Variants in RFTN1 observed in about 807,000 individuals in gnomAD.
RFTN1 encodes the protein raftlin.
In RFTN1, 26 loss-of-function variants were observed where a neutral mutation model predicts 46.5. The observed-to-expected ratio is 0.56, with a 90% CI of 0.41 to 0.78. The LOEUF (loss-of-function observed/expected upper bound fraction) is 0.78. Ranked by LOEUF, RFTN1 falls within the 30% of genes least tolerant of loss-of-function variation. The pLI is 0.00. For missense variants in RFTN1, 693 were observed against 718.7 expected (o/e 0.96, Z 0.41); for synonymous variants, 261 against 284.2 (o/e 0.92, Z 0.82).
At chr3:16,319,824 T>C (rs1032502941) in intron 9 of RFTN1, among the ~76,000 whole-genome samples, 14 of 152,340 alleles carry the variant, frequency 9.2e-5, no homozygotes, top group African/African-American at 3.1e-4. Flanking sequence ...CAGATTTCAG[T>C]TGAGCCTCTG....
intron 6 of RFTN1, among the ~76,000 whole-genome samples, chr3:16,363,972 G>A (rs573288070): frequency 6.8e-4 from 104 of 152,336 alleles, no homozygotes; most frequent in African/African-American, 1.9e-3. Context: ...CCCAGGTAAC[G>A]GTGCCATGTT....
At position 16,377,930 on chromosome 3, in the gene RFTN1, G is replaced by T; in HGVS notation, c.614C>A (p.Pro205Gln). ...GDHASLENEK[P>Q]GTGDVCSAPA... ...AGCACTGCACACATCCCCAGTCCCC[G>T]GTTTCTCATTCTCCAGTGACGCGTG... Residue 205 changes from proline (P) to glutamine (Q), a missense_variant, in exon 5 of 10, where the codon CCG (proline) becomes CAG (glutamine). Pro to Gln is a moderately conservative substitution (Grantham distance 76, BLOSUM62 -1). Coordinates refer to ENST00000334133, the MANE Select transcript of RFTN1 (RefSeq NM_015150.2). The T allele has an allele frequency of 6.2e-7, 1 of 1,614,162 alleles. No individual in the cohort carries two copies. The highest frequency in any genetic ancestry group is 8.5e-7 in the Non-Finnish European group (1 of 1,180,036).
intron 3 of RFTN1, among the ~76,000 whole-genome samples, chr3:16,414,651 G>C (rs914082853): frequency 6.6e-6 from 1 of 152,144 alleles, no homozygotes; most frequent in Middle Eastern, 3.4e-3. Flanking sequence ...ACAGCAGCAG[G>C]GTAAGGTGAA....
rs1253851765 is a variant in RFTN1 at position 16,449,772 on chromosome 3, C to A, written c.146-15735G>T. 1.3e-5 allele frequency among the ~76,000 whole-genome samples: 2 copies of A among 152,186 alleles called. No individual in the cohort carries two copies. Among genetic ancestry groups the A allele is most frequent in the African/African-American group, 4.8e-5 (2 of 41,440 alleles). On this transcript the variant is annotated intron_variant, in intron 2 of 9. Transcript: ENST00000334133. The surrounding 1 kb of genome is among the most constrained non-coding windows in gnomAD (Gnocchi z 5.1). Reference sequence around the variant, plus strand: ...TCAGAAAAATCAACGAGACAAAAGCCATGCTGACAGACTGCTGCCTCTGAT... The same window carrying A: ...TCAGAAAAATCAACGAGACAAAAGCAATGCTGACAGACTGCTGCCTCTGAT...
rs2076676005 is a variant in RFTN1, at chr3:16,499,465, C to T, written c.-8-5588G>A. Among the ~76,000 whole-genome samples the T allele has an allele frequency of 1.3e-5, 2 of 152,168 alleles. No individual in the cohort carries two copies. The highest frequency in any genetic ancestry group is 1.5e-5 in the Non-Finnish European group (1 of 68,024). ...AAAGAGGGGCCCATGTGGAGAGGAA[C>T]CGACAGCCAGGACCAACTTGCTGGC... On this transcript the variant is annotated intron_variant, in intron 1 of 9. Coordinates refer to ENST00000334133, the MANE Select transcript of RFTN1 (RefSeq NM_015150.2). This position sits in a 1 kb window ranked among gnomAD's most constrained non-coding sequence, Gnocchi z 4.9.
chr3:16,383,409 A>T lies in RFTN1; in HGVS notation c.442-5307T>A, dbSNP rs2074059196. On this transcript the variant is annotated intron_variant, in intron 4 of 9. Transcript: ENST00000334133. This position sits in a 1 kb window ranked among gnomAD's most constrained non-coding sequence, Gnocchi z 4.0. ...CCACAACTTCACTCAGTTGCTCTAT[A>T]ATAAGTAAGGACATGCTCCACTGTA... 6.6e-6 allele frequency among the ~76,000 whole-genome samples: 1 copy of T among 152,232 alleles called. No homozygotes were observed. Among genetic ancestry groups the T allele is most frequent in the Non-Finnish European group, 1.5e-5 (1 of 68,044 alleles).
intron 4 of RFTN1, among the ~76,000 whole-genome samples, chr3:16,388,081 C>G (rs1267517747): frequency 3.9e-5 from 6 of 152,244 alleles, no homozygotes; most frequent in South Asian, 2.1e-4. Flanking sequence ...TGAAATGGGT[C>G]TTGCCCACCT....
At chr3:16,501,508 C>T (rs925885894) in intron 1 of RFTN1, among the ~76,000 whole-genome samples, 15 of 152,268 alleles carry the variant, frequency 9.9e-5, no homozygotes, top group Admixed American at 8.5e-4. Context: ...CCCTCATTTG[C>T]CACACTTGCT....
chr3:16,437,585 A>C (rs947805579), intron 2 of RFTN1, among the ~76,000 whole-genome samples: 4 of 152,132 alleles, frequency 2.6e-5, no homozygotes, highest in African/African-American at 9.7e-5. Context: ...ACTTGAGCCC[A>C]GAGAGGTCAA....
At chr3:16,358,704 G>A (rs1159530374) in intron 6 of RFTN1, among the ~76,000 whole-genome samples, 2 of 152,094 alleles carry the variant, frequency 1.3e-5, no homozygotes, top group Non-Finnish European at 2.9e-5. Flanking sequence ...TGTATAGCAT[G>A]ATCAAGAACT....
rs2070634125 is a variant in RFTN1, at chr3:16,334,237, TA to T, written c.1147-7362del. On this transcript the variant is annotated intron_variant, in intron 7 of 9. Transcript: ENST00000334133. This position sits in a 1 kb window ranked among gnomAD's most constrained non-coding sequence, Gnocchi z 4.3. ...ACTATTTTTTCACCTATTGAACTGG[TA>T]AAAACCCAAAAGTTAGGCAGCCCGC... 6.6e-6 allele frequency among the ~76,000 whole-genome samples: 1 copy of T among 152,126 alleles called. No homozygotes were observed. Among genetic ancestry groups the T allele is most frequent in the Non-Finnish European group, 1.5e-5 (1 of 67,998 alleles).
Position 16,345,252 on chromosome 3 carries a change from A to G in RFTN1, c.1146+12680T>C, listed in dbSNP as rs2071562455. On this transcript the variant is annotated intron_variant, in intron 7 of 9. Transcript: ENST00000334133. The surrounding 1 kb of genome is among the most constrained non-coding windows in gnomAD (Gnocchi z 5.2). The stretch of plus-strand genomic sequence containing the variant: ...TCTGGCCCACAGAAACTGTAAGATA[A>G]TAAGTAGGTGGTTGTGTGTGTGTGT... 7.7e-6 allele frequency: 1 copy of G among 130,440 alleles called. No homozygotes were observed. The highest frequency in any genetic ancestry group is 3.6e-5 in the African/African-American group (1 of 27,446). 8.1% of individuals were successfully genotyped at this position (130,440 alleles called of 1,614,324 possible).
At chr3:16,389,361 T>C (rs994035257) in intron 4 of RFTN1, among the ~76,000 whole-genome samples, 3 of 152,238 alleles carry the variant, frequency 2.0e-5, no homozygotes, top group Admixed American at 2.0e-4. Flanking sequence ...AATGAATGTT[T>C]TATTGTTCTT....
intron 7 of RFTN1, among the ~76,000 whole-genome samples, chr3:16,357,057 G>A (rs796935518): frequency 2.3e-4 from 34 of 150,982 alleles, no homozygotes; most frequent in African/African-American, 8.3e-4. Flanking sequence ...AGAGGTTGCA[G>A]TGAGCCAAGA....
At position 16,500,850 on chromosome 3, in the gene RFTN1, A is replaced by C. The variant is rs143023012; in HGVS notation, c.-8-6973T>G. Reference sequence around the variant, plus strand: ...TCAGGCACTTGGTTAGGAAACACTAAAACTGGGAAGGCCAGGCCCTGCCCT... The same window carrying C: ...TCAGGCACTTGGTTAGGAAACACTACAACTGGGAAGGCCAGGCCCTGCCCT... On this transcript the variant is annotated intron_variant, in intron 1 of 9. Transcript: ENST00000334133. The surrounding 1 kb of genome is among the most constrained non-coding windows in gnomAD (Gnocchi z 5.9). 6.6e-6 allele frequency among the ~76,000 whole-genome samples: 1 copy of C among 152,324 alleles called. No homozygotes were observed. Among genetic ancestry groups the C allele is most frequent in the East Asian group, 1.9e-4 (1 of 5,196 alleles).
At chr3:16,439,007 T>G (rs2075570975) in intron 2 of RFTN1, among the ~76,000 whole-genome samples, 1 of 152,238 alleles carries the variant, frequency 6.6e-6, no homozygotes, top group African/African-American at 2.4e-5. Context: ...AATTTTTATC[T>G]TAAAATCTAA....
In RFTN1 at chr3:16,446,299, A is replaced by T. The variant is rs2075728077; in HGVS notation, c.146-12262T>A. Reference sequence around the variant, plus strand: ...AGGAAACCTAGAAACCTTTAAAAAAAAAAAAACTGTGGTAAAATATGCCTA... The same window carrying T: ...AGGAAACCTAGAAACCTTTAAAAAATAAAAAACTGTGGTAAAATATGCCTA... On this transcript the variant is annotated intron_variant, in intron 2 of 9. Transcript: ENST00000334133. The surrounding 1 kb of genome is among the most constrained non-coding windows in gnomAD (Gnocchi z 4.5). 6.6e-6 allele frequency among the ~76,000 whole-genome samples: 1 copy of T among 152,094 alleles called. No homozygotes were observed. Among genetic ancestry groups the T allele is most frequent in the African/African-American group, 2.4e-5 (1 of 41,406 alleles).
At chr3:16,405,753 T>C (rs1305637005) in intron 4 of RFTN1, among the ~76,000 whole-genome samples, 2 of 152,178 alleles carry the variant, frequency 1.3e-5, no homozygotes, top group African/African-American at 2.4e-5. Context: ...TCTAATCCTT[T>C]TGAGTTTAAT....
Position 16,356,576 on chromosome 3 carries a change from A to G in RFTN1, c.1146+1356T>C, listed in dbSNP as rs1207196052. On this transcript the variant is annotated intron_variant, in intron 7 of 9. Transcript: ENST00000334133. This position sits in a 1 kb window ranked among gnomAD's most constrained non-coding sequence, Gnocchi z 4.9. ...GCTGAGTAATAGTGTCCCGGGGGACATCCAACTCACCCCCCACCATCCCAT... is the reference window on the plus strand; with the variant it reads ...GCTGAGTAATAGTGTCCCGGGGGACGTCCAACTCACCCCCCACCATCCCAT... Among the ~76,000 whole-genome samples, 1 of 152,214 alleles carries G rather than the reference A, an allele frequency of 6.6e-6. No individual in the cohort carries two copies. The highest frequency in any genetic ancestry group is 1.5e-5 in the Non-Finnish European group (1 of 68,030).
Sources: allele counts gnomAD v4.1 joint callset (sites outside exome capture counted in the v4.1 genomes callset), GRCh38; gene constraint gnomAD v4.1.1; non-coding constraint Gnocchi (gnomAD v3.1); transcripts MANE v1.5; gene names NCBI Gene and HGNC (gene_info 2026-07-23, HGNC 2026-07-21).